Variants in GNA15 observed in about 807,000 individuals in gnomAD.
GNA15 encodes the protein guanine nucleotide-binding protein subunit alpha-15.
GNA15 carries 23 observed loss-of-function variants against 40.1 expected under a neutral mutation model. The ratio of observed to expected loss-of-function variants is 0.57; its 90% CI spans 0.41 to 0.81. The LOEUF is 0.81. Among genes scored for constraint, GNA15 ranks in the 40% least tolerant of loss-of-function variants. The pLI, the probability that GNA15 is intolerant of heterozygous loss-of-function variation, is 0.00. For missense variants in GNA15, 522 were observed against 515.8 expected (o/e 1.01, Z -0.12); for synonymous variants, 226 against 210.4 (o/e 1.07, Z -0.64).
At chr19:3,140,485 C>T (rs1314159309) in intron 1 of GNA15, among the ~76,000 whole-genome samples, 2 of 152,140 alleles carry the variant, frequency 1.3e-5, no homozygotes, top group African/African-American at 4.8e-5. Flanking sequence ...TAGGTCTCAA[C>T]CCAAGTGTCG....
chr19:3,157,263 T>C (rs1383273909), intron 5 of GNA15, among the ~76,000 whole-genome samples: 1 of 152,188 alleles, frequency 6.6e-6, no homozygotes, highest in Non-Finnish European at 1.5e-5. Flanking sequence ...CCTCCCAAAG[T>C]GCTAGGATTA....
chr19:3,151,933 A>G lies in GNA15; in HGVS notation c.614+98A>G. 1 of 875,426 alleles carries G rather than the reference A, an allele frequency of 1.1e-6. No individual in the cohort carries two copies. Among genetic ancestry groups the G allele is most frequent in the Non-Finnish European group, 1.7e-6 (1 of 589,794 alleles). 54.2% of individuals were successfully genotyped at this position (875,426 alleles called of 1,614,324 possible). A position where few individuals can be genotyped will look rare whatever the true frequency, so the allele number is the denominator to read the frequency against. On this transcript the variant is annotated intron_variant, in intron 4 of 6. Coordinates refer to ENST00000262958, the MANE Select transcript of GNA15 (RefSeq NM_002068.4). The surrounding 1 kb of genome is among the most constrained non-coding windows in gnomAD (Gnocchi z 5.0). ...CCTGAGGGATGAGTAGGAGTTTCTT[A>G]GGCCCAGCCTTCAAGGAGCTGCCAA...
At position 3,147,703 on chromosome 19, in the gene GNA15, G is replaced by A. The variant is rs1305912173; in HGVS notation, c.146-888G>A. Among the ~76,000 whole-genome samples, 6 of 151,820 alleles carry A rather than the reference G, an allele frequency of 4.0e-5. No individual in the cohort carries two copies. In the East Asian group the frequency reaches 9.7e-4, roughly 24 times the overall value. On this transcript the variant is annotated intron_variant, in intron 1 of 6. Transcript: ENST00000262958. The stretch of plus-strand genomic sequence containing the variant: ...GGGTGGATCACGAGGTCAAGACCAC[G>A]GTGAAACCCCGTCTCTACTAAAAAT...
In GNA15 at chr19:3,148,698, A is replaced by C; in HGVS notation, c.253A>C (p.Asn85His). 6.2e-7 allele frequency: 1 copy of C among 1,601,798 alleles called. No individual in the cohort carries two copies. Among genetic ancestry groups the C allele is most frequent in the Non-Finnish European group, 8.5e-7 (1 of 1,174,760 alleles). Residue 85 changes from asparagine to histidine, a missense_variant, in exon 2 of 7, where the codon AAC becomes CAC. Coordinates refer to ENST00000262958, the MANE Select transcript of GNA15 (RefSeq NM_002068.4). ...GGGCTTCCGGCCCCTGGTCTACCAG[A>C]ACATCTTCGTGTCCATGCGGGCCAT... ...RKGFRPLVYQ[N>H]IFVSMRAMIE...
intron 1 of GNA15, among the ~76,000 whole-genome samples, chr19:3,139,252 C>T (rs1043429134): frequency 3.3e-5 from 5 of 152,006 alleles, no homozygotes; most frequent in Admixed American, 6.6e-5. Flanking sequence ...AGTCAAGGGC[C>T]CTTTCAACTC....
intron 3 of GNA15, among the ~76,000 whole-genome samples, chr19:3,150,696 C>T (rs1474609211): frequency 1.3e-5 from 2 of 149,944 alleles, no homozygotes; most frequent in Admixed American, 6.6e-5. Context: ...CCTGTTCCTG[C>T]GAGGACCCTG....
At position 3,157,734 on chromosome 19, in the gene GNA15, A is replaced by C. The variant is rs145665648; in HGVS notation, c.751A>C (p.Met251Leu). Reference sequence around the variant, plus strand: ...GCTTCTGCCCCCAACACAGAACCGCATGAAGGAGAGCCTCGCATTGTTTGG... The same window carrying C: ...GCTTCTGCCCCCAACACAGAACCGCCTGAAGGAGAGCCTCGCATTGTTTGG... ...CLEENNQENR[M>L]KESLALFGTI... Residue 251 changes from methionine to leucine, a missense_variant, in exon 6 of 7, where the codon ATG becomes CTG. By Grantham distance (15) the Met-to-Leu change is conservative. Coordinates refer to ENST00000262958, the MANE Select transcript of GNA15 (RefSeq NM_002068.4). 1.4e-5 allele frequency: 22 copies of C among 1,614,032 alleles called. No individual in the cohort carries two copies. In the African/African-American group the frequency reaches 2.5e-4, roughly 19 times the overall value.
intron 6 of GNA15, among the ~76,000 whole-genome samples, chr19:3,159,396 G>A (rs553001430): frequency 6.8e-6 from 1 of 147,062 alleles, no homozygotes; most frequent in African/African-American, 2.5e-5. Flanking sequence ...GCCCAGGCTG[G>A]AGTGCAATGG....
At chr19:3,140,044 A>AAAAAATCT (rs71307196) in intron 1 of GNA15, among the ~76,000 whole-genome samples, 3 of 124,030 alleles carry the variant, frequency 2.4e-5, no homozygotes, top group Non-Finnish European at 5.3e-5. Context: ...AAAAAAAAAA[A>AAAAAATCT]ATCTATCTAT....
intron 4 of GNA15, among the ~76,000 whole-genome samples, chr19:3,152,702 T>C (rs543052366): frequency 4.7e-4 from 72 of 152,298 alleles, no homozygotes; most frequent in African/African-American, 1.6e-3. Context: ...TCTGTTTCCA[T>C]GGGCTGATGG....
chr19:3,161,912 C>T (rs1419344445), intron 6 of GNA15, among the ~76,000 whole-genome samples: 1 of 149,690 alleles, frequency 6.7e-6, no homozygotes, highest in East Asian at 2.0e-4. Flanking sequence ...GGGGGCCTGT[C>T]ATCCCAGTTA....
Position 3,155,597 on chromosome 19 carries a change from C to T in GNA15, c.615-226C>T, listed in dbSNP as rs1309231305. Among the ~76,000 whole-genome samples, 1 of 152,210 alleles carries T rather than the reference C, an allele frequency of 6.6e-6. No homozygotes were observed. The highest frequency in any genetic ancestry group is 1.5e-5 in the Non-Finnish European group (1 of 68,042). ...AGCAGGCAGCCCAGCACAGTAGAAG[C>T]TTGGGAAAGTCCCCGCTCCTCCCTG... is the stretch of plus-strand genomic sequence containing the variant. On this transcript the variant is annotated intron_variant, in intron 4 of 6. Transcript: ENST00000262958. The surrounding 1 kb of genome is among the most constrained non-coding windows in gnomAD (Gnocchi z 5.6).
At chr19:3,154,822 G>T (rs1467499614) in intron 4 of GNA15, among the ~76,000 whole-genome samples, 1 of 152,086 alleles carries the variant, frequency 6.6e-6, no homozygotes, top group Non-Finnish European at 1.5e-5. Context: ...GAAGGTAGAG[G>T]CTGGGAAATC....
rs765960537 is a variant in GNA15, at chr19:3,150,189, G to T, written c.389G>T (p.Arg130Leu). 1.9e-6 allele frequency: 3 copies of T among 1,613,246 alleles called. No homozygotes were observed. The highest frequency in any genetic ancestry group is 2.5e-6 in the Non-Finnish European group (3 of 1,179,754). ...DPYKVTTFEK[R>L]YAAAMQWLWR... is the part of the protein sequence containing the mutation. ...TATAAAGTGACCACGTTTGAGAAGC[G>T]CTACGCTGCGGCCATGCAGTGGCTG... Residue 130 changes from arginine to leucine, a missense_variant, in exon 3 of 7, where the codon CGC becomes CTC. Arg to Leu is a moderately radical substitution (Grantham distance 102, BLOSUM62 -2). Transcript: ENST00000262958.
rs773385959 is a variant in GNA15 at position 3,157,732 on chromosome 19, G to A, written c.749G>A (p.Arg250His). The A allele has an allele frequency of 5.0e-6, 8 of 1,613,542 alleles. No individual in the cohort carries two copies. The highest frequency in any genetic ancestry group is 6.8e-6 in the Non-Finnish European group (8 of 1,179,658). The change falls in exon 6 of 7, where the codon CGC (arginine) becomes CAC (histidine). Residue 250 changes from arginine to histidine, a missense_variant. By Grantham distance (29) the Arg-to-His change is conservative. Coordinates refer to ENST00000262958, the MANE Select transcript of GNA15 (RefSeq NM_002068.4). The stretch of plus-strand genomic sequence containing the variant: ...CTGCTTCTGCCCCCAACACAGAACC[G>A]CATGAAGGAGAGCCTCGCATTGTTT... ...QCLEENNQENRMKESLALFGT... is the reference protein window; with the variant it reads ...QCLEENNQENHMKESLALFGT...
At chr19:3,154,886 C>G (rs534694785) in intron 4 of GNA15, 1 of 152,048 alleles carries the variant, frequency 6.6e-6, no homozygotes, top group Non-Finnish European at 1.5e-5. Context: ...AGGAGTGAGA[C>G]GAATGAATGG....
rs773746335 is a variant in GNA15 at position 3,155,702 on chromosome 19, G to A, written c.615-121G>A. The stretch of plus-strand genomic sequence containing the variant: ...GAATGACATGGCAAATCCACGAGAG[G>A]CTAGCACCTATTCTTGCTGTCGCTA... On this transcript the variant is annotated intron_variant, in intron 4 of 6. Coordinates refer to ENST00000262958, the MANE Select transcript of GNA15 (RefSeq NM_002068.4). The surrounding 1 kb of genome is among the most constrained non-coding windows in gnomAD (Gnocchi z 5.6). 3.6e-5 allele frequency: 41 copies of A among 1,153,236 alleles called. No individual in the cohort carries two copies. The highest frequency in any genetic ancestry group is 4.8e-5 in the Non-Finnish European group (39 of 811,556). 71.4% of individuals were successfully genotyped at this position (1,153,236 alleles called of 1,614,324 possible).
intron 1 of GNA15, among the ~76,000 whole-genome samples, chr19:3,145,014 A>T (rs1481474690): frequency 6.7e-6 from 1 of 149,546 alleles, no homozygotes; most frequent in Non-Finnish European, 1.5e-5. Flanking sequence ...TTTTTAGTAG[A>T]GACAGGGTTT....
intron 2 of GNA15, chr19:3,149,081 A>G (rs1461116316): frequency 2.8e-6 from 1 of 361,962 alleles, no homozygotes; most frequent in East Asian, 5.2e-5. Flanking sequence ...CCACATGCAC[A>G]CACCCACACA....
Sources: allele counts gnomAD v4.1 joint callset (sites outside exome capture counted in the v4.1 genomes callset), GRCh38; gene constraint gnomAD v4.1.1; non-coding constraint Gnocchi (gnomAD v3.1); transcripts MANE v1.5; gene names NCBI Gene and HGNC (gene_info 2026-07-23, HGNC 2026-07-21).